PRKAB1: variants seen among roughly 807,000 people sequenced by gnomAD.
PRKAB1 encodes the protein protein kinase AMP-activated non-catalytic subunit beta 1, also known as 5'-AMP-activated protein kinase subunit beta-1.
PRKAB1 carries 18 observed loss-of-function variants against 32.0 expected under a neutral mutation model. The observed-to-expected ratio is 0.56, with a 90% CI of 0.39 to 0.83. PRKAB1 has a LOEUF of 0.83. Among genes scored for constraint, PRKAB1 ranks in the 40% least tolerant of loss-of-function variants. The pLI, the probability that PRKAB1 is intolerant of heterozygous loss-of-function variation, is 0.00. For synonymous variants in PRKAB1, 141 were observed against 141.4 expected (o/e 1.00, Z 0.02); for missense variants, 263 against 352.6 (o/e 0.75, Z 2.03).
chr12:119,678,892 TGTG>T (rs1955445861), intron 5 of PRKAB1: 2 of 152,206 alleles, frequency 1.3e-5, no homozygotes, highest in African/African-American at 2.4e-5. Flanking sequence ...TGCTAGACCA[TGTG>T]GTAATTTTAG....
intron 5 of PRKAB1, 27 bp downstream of exon 5, chr12:119,676,697 C>T (rs1163037580): frequency 2.5e-6 from 4 of 1,610,358 alleles, no homozygotes; most frequent in African/African-American, 1.3e-5. Flanking sequence ...CTGCCCGGAC[C>T]ATCCGCCGTG....
chr12:119,676,125 C>T (rs1002552229), intron 4 of PRKAB1, among the ~76,000 whole-genome samples: 3 of 152,260 alleles, frequency 2.0e-5, no homozygotes, highest in South Asian at 4.1e-4. Context: ...GCATTGCGGC[C>T]GGGGGTGCCC....
At chr12:119,673,131 G>A (rs1182939445) in intron 2 of PRKAB1, among the ~76,000 whole-genome samples, 1 of 152,190 alleles carries the variant, frequency 6.6e-6, no homozygotes, top group Non-Finnish European at 1.5e-5. Context: ...TCGGGAGGCT[G>A]AGATGGGAGG....
Position 119,674,021 on chromosome 12 carries a change from C to A in PRKAB1, c.381C>A (p.Phe127Leu). 1 of 1,614,084 alleles carries A rather than the reference C, an allele frequency of 6.2e-7. No individual in the cohort carries two copies. The highest frequency in any genetic ancestry group is 8.5e-7 in the Non-Finnish European group (1 of 1,180,002). ...CGGAAGGAGAGCATCAGTACAAGTT[C>A]TTTGTGGATGGTCAGTGGACGCACG... ...DLPEGEHQYK[F>L]FVDGQWTHDP... Residue 127 changes from phenylalanine (F) to leucine (L), a missense_variant, in exon 3 of 7, where the codon TTC becomes TTA. Physicochemically the swap from Phe to Leu is conservative, Grantham distance 22. Coordinates refer to ENST00000229328, the MANE Select transcript of PRKAB1 (RefSeq NM_006253.5). This position sits in a 1 kb window ranked among gnomAD's most constrained non-coding sequence, Gnocchi z 4.3.
intron 4 of PRKAB1, among the ~76,000 whole-genome samples, chr12:119,675,402 C>T (rs1052810168): frequency 2.6e-5 from 4 of 152,160 alleles, no homozygotes; most frequent in African/African-American, 9.7e-5. Context: ...AATCCGAAAT[C>T]TGTGCTTTTA....
chr12:119,676,605 C>T lies in PRKAB1; in HGVS notation c.601C>T (p.Arg201Trp), dbSNP rs756977389. ...PYVCKPEERF[R>W]APPILPPHLL... ...CGTCTGCAAACCCGAAGAGCGCTTT[C>T]GGGCACCCCCTATTCTCCCCCCACA... is the stretch of plus-strand genomic sequence containing the variant. The change falls in exon 5 of 7, where the codon CGG becomes TGG. Residue 201 changes from arginine (R) to tryptophan (W), a missense_variant. Arg to Trp is a moderately radical substitution (Grantham distance 101). Coordinates refer to ENST00000229328, the MANE Select transcript of PRKAB1 (RefSeq NM_006253.5). 5.0e-6 allele frequency: 8 copies of T among 1,613,882 alleles called. No homozygotes were observed. The highest frequency in any genetic ancestry group is 2.7e-5 in the African/African-American group (2 of 74,908).
intron 1 of PRKAB1, chr12:119,669,837 A>G (rs1036027939): frequency 6.6e-6 from 1 of 152,012 alleles, no homozygotes; most frequent in Non-Finnish European, 1.5e-5. Context: ...GGCCGCCCAA[A>G]GTGCTGCGAT....
intron 2 of PRKAB1, among the ~76,000 whole-genome samples, chr12:119,672,893 G>A (rs1955397922): frequency 6.6e-6 from 1 of 152,220 alleles, no homozygotes; most frequent in Admixed American, 6.5e-5. Flanking sequence ...GATCATCTCT[G>A]AGGTTTCATC....
In PRKAB1 at chr12:119,676,683, G is replaced by A. The variant is rs1414259233; in HGVS notation, c.666+13G>A. 2 of 1,613,038 alleles carry A rather than the reference G, an allele frequency of 1.2e-6. No homozygotes were observed. The highest frequency in any genetic ancestry group is 2.2e-5 in the South Asian group (2 of 91,022). ...CACGGGGATTTCCGTAAGTATGTGG[G>A]CATCTGCCCGGACCATCCGCCGTGG... is the stretch of plus-strand genomic sequence containing the variant. On this transcript the variant is annotated intron_variant, in intron 5 of 6. Transcript: ENST00000229328.
intron 5 of PRKAB1, among the ~76,000 whole-genome samples, chr12:119,677,204 C>T (rs1263674128): frequency 6.6e-6 from 1 of 152,220 alleles, no homozygotes; most frequent in Non-Finnish European, 1.5e-5. Flanking sequence ...CCTGCCCAGT[C>T]CGCCTAGCTC....
intron 2 of PRKAB1, 64 bp downstream of exon 2, chr12:119,672,528 T>C: frequency 7.1e-7 from 1 of 1,405,246 alleles, no homozygotes; most frequent in Admixed American, 2.8e-5. Flanking sequence ...CTAAAACATC[T>C]CTGAGAGAGA....
At position 119,679,406 on chromosome 12, in the gene PRKAB1, C is replaced by T; in HGVS notation, c.667-527C>T. On this transcript the variant is annotated intron_variant, in intron 5 of 6. Transcript: ENST00000229328. The surrounding 1 kb of genome is among the most constrained non-coding windows in gnomAD (Gnocchi z 4.1). Reference sequence around the variant, plus strand: ...GGGTATACAATGAAAAAATAAATCCCGATTTCTGGCTTCTCTTAAAACATA... The same window carrying T: ...GGGTATACAATGAAAAAATAAATCCTGATTTCTGGCTTCTCTTAAAACATA... 6.3e-6 allele frequency: 1 copy of T among 157,502 alleles called. No homozygotes were observed. The highest frequency in any genetic ancestry group is 1.4e-5 in the Non-Finnish European group (1 of 71,184). 9.8% of individuals were successfully genotyped at this position (157,502 alleles called of 1,614,324 possible).
At position 119,674,153 on chromosome 12, in the gene PRKAB1, G is replaced by T; in HGVS notation, c.417+96G>T. 8.0e-7 allele frequency: 1 copy of T among 1,250,252 alleles called. No individual in the cohort carries two copies. 77.4% of individuals were successfully genotyped at this position (1,250,252 alleles called of 1,614,324 possible). On this transcript the variant is annotated intron_variant, in intron 3 of 6. Transcript: ENST00000229328. The surrounding 1 kb of genome is among the most constrained non-coding windows in gnomAD (Gnocchi z 4.3). ...GCCGCTAGGTCCCTTTGCCCAGCTA[G>T]TAAAAGTCCCCGTGTGTGGCAGAGC... is the stretch of plus-strand genomic sequence containing the variant.
At chr12:119,675,118 G>C (rs1955414163) in intron 4 of PRKAB1, among the ~76,000 whole-genome samples, 1 of 152,372 alleles carries the variant, frequency 6.6e-6, no homozygotes, top group South Asian at 2.1e-4. Context: ...ACAGTTCGGG[G>C]GAAGAGGGTT....
chr12:119,676,685 A>C lies in PRKAB1; in HGVS notation c.666+15A>C, dbSNP rs775593592. The C allele has an allele frequency of 6.2e-7, 1 of 1,613,060 alleles. No individual in the cohort carries two copies. Among genetic ancestry groups the C allele is most frequent in the Non-Finnish European group, 8.5e-7 (1 of 1,179,298 alleles). ...CGGGGATTTCCGTAAGTATGTGGGC[A>C]TCTGCCCGGACCATCCGCCGTGGGT... On this transcript the variant is annotated intron_variant, in intron 5 of 6. Transcript: ENST00000229328.
chr12:119,675,658 G>T (rs1955419222), intron 4 of PRKAB1, among the ~76,000 whole-genome samples: 1 of 152,148 alleles, frequency 6.6e-6, no homozygotes, highest in South Asian at 2.1e-4. Context: ...TCCTCAAAAT[G>T]TTATTTACTC....
Position 119,675,832 on chromosome 12 carries a change from G to A in PRKAB1, c.533-705G>A, listed in dbSNP as rs1020152055. Among the ~76,000 whole-genome samples, 12 of 152,318 alleles carry A rather than the reference G, an allele frequency of 7.9e-5. 1 individual carries two copies. Among genetic ancestry groups the A allele is most frequent in the Admixed American group, 7.8e-4 (12 of 15,304 alleles). ...GACCAGTCCCAGGATCTGGCGACCAGAACCATCCCACGCGTTCTTTGGATG... is the reference window on the plus strand; with the variant it reads ...GACCAGTCCCAGGATCTGGCGACCAAAACCATCCCACGCGTTCTTTGGATG... On this transcript the variant is annotated intron_variant, in intron 4 of 6. Transcript: ENST00000229328.
chr12:119,668,182 T>C lies in PRKAB1; in HGVS notation c.-63T>C. The C allele has an allele frequency of 3.4e-6, 5 of 1,461,582 alleles. No individual in the cohort carries two copies. The highest frequency in any genetic ancestry group is 3.6e-6 in the Non-Finnish European group (4 of 1,111,206). 90.5% of individuals were successfully genotyped at this position (1,461,582 alleles called of 1,614,324 possible). On this transcript the variant is annotated 5_prime_UTR_variant, in exon 1 of 7. Coordinates refer to ENST00000229328, the MANE Select transcript of PRKAB1 (RefSeq NM_006253.5). ...ACCCGCGGTTCCGGGAGTCCCTTGCTCAGGGTCCCTTTCCTGCAGTGAGGC... is the reference window on the plus strand; with the variant it reads ...ACCCGCGGTTCCGGGAGTCCCTTGCCCAGGGTCCCTTTCCTGCAGTGAGGC...
chr12:119,672,478 G>C lies in PRKAB1; in HGVS notation c.323+14G>C, dbSNP rs374570840. 15 of 1,548,918 alleles carry C rather than the reference G, an allele frequency of 9.7e-6. No homozygotes were observed. Among genetic ancestry groups the C allele is most frequent in the Non-Finnish European group, 1.3e-5 (15 of 1,144,796 alleles). ...CCTCACCAGAAGGTAATTGCCTGGG[G>C]AGTGTTCACATATTTGTCTTAACAT... On this transcript the variant is annotated intron_variant, in intron 2 of 6. Coordinates refer to ENST00000229328, the MANE Select transcript of PRKAB1 (RefSeq NM_006253.5).
Sources: gnomAD v4.1 joint callset for allele counts (sites outside exome capture counted in the v4.1 genomes callset) on GRCh38, gnomAD v4.1.1 for gene constraint, Gnocchi (gnomAD v3.1) non-coding constraint, MANE v1.5 for transcripts, NCBI Gene and HGNC (gene_info 2026-07-23, HGNC 2026-07-21) for gene names.